SCRIB: variants seen among roughly 807,000 people sequenced by gnomAD.
SCRIB encodes the protein scribble planar cell polarity protein.
In SCRIB, 72 loss-of-function variants were observed where a neutral mutation model predicts 170.0. The ratio of observed to expected loss-of-function variants is 0.42; its 90% confidence interval spans 0.35 to 0.52. The LOEUF (loss-of-function observed/expected upper bound fraction) is 0.52, where lower values mean the gene tolerates loss of function less well. Ranked by LOEUF, SCRIB falls within the 20% of genes least tolerant of loss-of-function variation. The pLI, the probability that SCRIB is intolerant of heterozygous loss-of-function variation, is 0.02. For synonymous variants in SCRIB, 1,298 were observed against 1,044.3 expected, an observed-to-expected ratio of 1.24 and a Z score of -4.68; for missense variants, 2,475 against 2,338.5, an observed-to-expected ratio of 1.06 and a Z score of -1.20.
Position 143,808,786 on chromosome 8 carries a change from G to A in SCRIB, c.1938C>T (p.His646=), listed in dbSNP as rs1815560167. The change falls in exon 15 of 37, where the codon CAC becomes CAT. Residue 646 remains histidine (H), a synonymous_variant. Transcript: ENST00000356994. ...GEGPVAPGGW[H]NGPHAPWAPR... is the part of the protein sequence containing the mutation. ...GAGCCCAGGGTGCGTGGGGGCCATT[G>A]TGCCAGCCCCCGGGAGCCACAGGGC... is the stretch of plus-strand genomic sequence containing the variant. 5 of 1,611,276 alleles carry A rather than the reference G, an allele frequency of 3.1e-6. No individual in the cohort carries two copies. Among genetic ancestry groups the A allele is most frequent in the South Asian group, 1.1e-5 (1 of 90,852 alleles).
chr8:143,806,495 G>A lies in SCRIB; in HGVS notation c.2269-11C>T, dbSNP rs1815431974. 1.3e-6 allele frequency: 2 copies of A among 1,583,470 alleles called. No homozygotes were observed. The highest frequency in any genetic ancestry group is 4.6e-5 in the East Asian group (2 of 43,188). The stretch of plus-strand genomic sequence containing the variant: ...AGAGATGAATATGCCCTAGGGCACA[G>A]ACACGAGCTTGGCAGGGGCCAGGGA... On this transcript the variant is annotated splice_polypyrimidine_tract_variant and intron_variant, in intron 17 of 36. Coordinates refer to ENST00000356994, the MANE Select transcript of SCRIB (RefSeq NM_182706.5).
chr8:143,809,064 G>A lies in SCRIB; in HGVS notation c.1699-39C>T, dbSNP rs372629408. 35 of 1,572,836 alleles carry A rather than the reference G, an allele frequency of 2.2e-5. No homozygotes were observed. The African/African-American group carries it at 2.7e-4, about 12-fold the overall frequency. On this transcript the variant is annotated intron_variant, in intron 14 of 36. Coordinates refer to ENST00000356994, the MANE Select transcript of SCRIB (RefSeq NM_182706.5). ...AGGGTGAGGGTGGCCCCAGCTCTGT[G>A]GCTGTGCTTCCACAGGAAGACCCTA...
rs1815851775 is a variant in SCRIB at position 143,813,457 on chromosome 8, C to T, written c.503+13G>A. 1.2e-6 allele frequency: 2 copies of T among 1,613,290 alleles called. No individual in the cohort carries two copies. Among genetic ancestry groups the T allele is most frequent in the Non-Finnish European group, 8.5e-7 (1 of 1,180,002 alleles). ...CCTGCCCTGGCTGTTAGGAGAATGC[C>T]TGTCACACTCACGCTGGCAGGGACT... On this transcript the variant is annotated intron_variant, in intron 5 of 36. Transcript: ENST00000356994.
At chr8:143,811,632 C>T (rs140026082) in intron 9 of SCRIB, among the ~76,000 whole-genome samples, 171 of 152,222 alleles carry the variant, frequency 1.1e-3, no homozygotes, top group African/African-American at 3.7e-3. Flanking sequence ...GACTGACCTG[C>T]GAGGCTGCGC....
chr8:143,803,090 G>A (rs1252755361), intron 24 of SCRIB, among the ~76,000 whole-genome samples: 3 of 152,176 alleles, frequency 2.0e-5, no homozygotes, highest in Admixed American at 6.5e-5. Context: ...CTTCTTTTAG[G>A]ACCAGACCAC....
intron 9 of SCRIB, 29 bp downstream of exon 9, chr8:143,812,237 T>C (rs1344030277): frequency 7.0e-7 from 1 of 1,438,250 alleles, no homozygotes; most frequent in South Asian, 1.1e-5. Context: ...GACGGCCCCA[T>C]CCTTTCTGCC....
chr8:143,804,837 T>G lies in SCRIB; in HGVS notation c.2752-12A>C, dbSNP rs1002927970. 7.3e-7 allele frequency: 1 copy of G among 1,376,632 alleles called. No homozygotes were observed. Among genetic ancestry groups the G allele is most frequent in the African/African-American group, 1.5e-5 (1 of 65,920 alleles). The allele number at this position is 1,376,632 out of a possible 1,614,324, so 85.3% of individuals were successfully genotyped here. ...TCCACTCCATTAATCTGTGAGAGCGTGCCCGAATCAGGGAGGCCCAAGGGC... is the reference window on the plus strand; with the variant it reads ...TCCACTCCATTAATCTGTGAGAGCGGGCCCGAATCAGGGAGGCCCAAGGGC... On this transcript the variant is annotated splice_polypyrimidine_tract_variant and intron_variant, in intron 20 of 36. Coordinates refer to ENST00000356994, the MANE Select transcript of SCRIB (RefSeq NM_182706.5).
chr8:143,795,515 T>A lies in SCRIB; in HGVS notation c.3619A>T (p.Ile1207Phe), dbSNP rs1814906180. ...ATGCCTGCCGCAAAGGGGTTGGCAA[T>A]GACACCTGGGGACACCTGAGAAGAG... ...DAALEVSPGV[I>F]ANPFAAGIGH... Residue 1207 changes from isoleucine (I) to phenylalanine (F), a missense_variant, in exon 25 of 37, where the codon ATT (isoleucine) becomes TTT (phenylalanine). Ile to Phe is a conservative substitution (Grantham distance 21, BLOSUM62 0). Transcript: ENST00000356994. 2 of 1,612,386 alleles carry A rather than the reference T, an allele frequency of 1.2e-6. No homozygotes were observed. Among genetic ancestry groups the A allele is most frequent in the Non-Finnish European group, 1.7e-6 (2 of 1,179,414 alleles).
In SCRIB at chr8:143,808,842, G is replaced by A. The variant is rs760317208; in HGVS notation, c.1882C>T (p.Leu628=). ...KLPQPEAVVA[L]LQGMQPDGEG... Reference sequence around the variant, plus strand: ...CCATCAGGCTGCATGCCCTGCAGCAGAGCCACAACGGCCTCGGGCTGGGGC... The same window carrying A: ...CCATCAGGCTGCATGCCCTGCAGCAAAGCCACAACGGCCTCGGGCTGGGGC... Residue 628 remains leucine, a synonymous_variant, in exon 15 of 37, where the codon CTG becomes TTG. Coordinates refer to ENST00000356994, the MANE Select transcript of SCRIB (RefSeq NM_182706.5). 6.2e-7 allele frequency: 1 copy of A among 1,611,226 alleles called. No individual in the cohort carries two copies. The highest frequency in any genetic ancestry group is 1.3e-5 in the African/African-American group (1 of 74,956).
In SCRIB at chr8:143,793,941, C is replaced by G; in HGVS notation, c.3868G>C (p.Gly1290Arg). Residue 1290 changes from glycine (G) to arginine (R), a missense_variant, in exon 28 of 37, where the codon GGG (glycine) becomes CGG (arginine). Around this residue, in one of 3 missense-constraint regions of SCRIB, gnomAD observed 1,966 missense variants for 1,742.9 expected, o/e 1.13. Coordinates refer to ENST00000356994, the MANE Select transcript of SCRIB (RefSeq NM_182706.5). ...GAGCAGGGAGATTCAGCCATCTTCCCTCCAGCTGCTCCAGACGGTACCTGG... is the reference window on the plus strand; with the variant it reads ...GAGCAGGGAGATTCAGCCATCTTCCGTCCAGCTGCTCCAGACGGTACCTGG... ...VQRVPSGAAGGKMAESPCSPS... is the reference protein window; with the variant it reads ...VQRVPSGAAGRKMAESPCSPS... 6.2e-7 allele frequency: 1 copy of G among 1,613,486 alleles called. No homozygotes were observed. The highest frequency in any genetic ancestry group is 8.5e-7 in the Non-Finnish European group (1 of 1,179,706).
Position 143,814,831 on chromosome 8 carries a change from C to T in SCRIB, c.159+383G>A, listed in dbSNP as rs115964542. ...TACATCAAGAGGGCTCCCCCACTCACCCCTGCACCCAGCAAAAAAGGAGAG... is the reference window on the plus strand; with the variant it reads ...TACATCAAGAGGGCTCCCCCACTCATCCCTGCACCCAGCAAAAAAGGAGAG... On this transcript the variant is annotated intron_variant, in intron 1 of 36. Transcript: ENST00000356994. 1.6e-3 allele frequency: 378 copies of T among 237,428 alleles called. 1 individual carries two copies. The highest frequency in any genetic ancestry group is 8.0e-3 in the African/African-American group (354 of 44,272). The allele number at this position is 237,428 out of a possible 1,614,324, so 14.7% of individuals were successfully genotyped here.
In SCRIB at chr8:143,805,149, C is replaced by A; in HGVS notation, c.2633G>T (p.Gly878Val). Residue 878 changes from glycine (G) to valine (V), a missense_variant, in exon 19 of 37, where the codon GGT becomes GTT. Physicochemically the swap from Gly to Val is moderately radical, Grantham distance 109. Transcript: ENST00000356994. Reference protein sequence around the residue: ...SERGLGFSIAGGKGSTPYRAG... With the variant: ...SERGLGFSIAVGKGSTPYRAG... ...CCTGTAGGGTGTGGAGCCTTTCCCA[C>A]CAGCAATGCTGAAGCCCAGCCCCCT... The A allele has an allele frequency of 6.3e-7, 1 of 1,579,670 alleles. No homozygotes were observed. Among genetic ancestry groups the A allele is most frequent in the East Asian group, 2.3e-5 (1 of 44,398 alleles).
chr8:143,792,862 G>A lies in SCRIB; in HGVS notation c.4023C>T (p.Pro1341=), dbSNP rs781996880. The A allele has an allele frequency of 1.9e-5, 29 of 1,510,130 alleles. No individual in the cohort carries two copies. Among genetic ancestry groups the A allele is most frequent in the African/African-American group, 2.8e-5 (2 of 71,794 alleles). The allele number at this position is 1,510,130 out of a possible 1,614,324, so 93.5% of individuals were successfully genotyped here. The change falls in exon 30 of 37, where the codon CCC becomes CCT. Residue 1341 remains proline, a synonymous_variant. Transcript: ENST00000356994. The part of the protein sequence containing the change: ...HPPEDAPAQP[P]TPGPAASPEQ... ...CCGGGGAGGCTGCAGGCCCAGGCGTGGGGGGCTGGGGGGAGCGGACCTTGA... is the reference window on the plus strand; with the variant it reads ...CCGGGGAGGCTGCAGGCCCAGGCGTAGGGGGCTGGGGGGAGCGGACCTTGA...
chr8:143,792,993 C>T lies in SCRIB; in HGVS notation c.4000G>A (p.Glu1334Lys). 1.3e-6 allele frequency: 2 copies of T among 1,512,564 alleles called. No homozygotes were observed. Among genetic ancestry groups the T allele is most frequent in the Non-Finnish European group, 1.8e-6 (2 of 1,128,790 alleles). The allele number at this position is 1,512,564 out of a possible 1,614,324, so 93.7% of individuals were successfully genotyped here. A position where few individuals can be genotyped will look rare whatever the true frequency, so the allele number is the denominator to read the frequency against. The part of the protein sequence containing the change: ...FAAVPTSHPP[E>K]DAPAQPPTPG... ...CCACACACCTGGGCAGGGGCATCCT[C>T]AGGCGGGTGAGAAGTGGGCACGGCC... The change falls in exon 29 of 37, where the codon GAG becomes AAG. Residue 1334 changes from glutamate to lysine, a missense_variant. Around this residue, in one of 3 missense-constraint regions of SCRIB, gnomAD observed 1,966 missense variants for 1,742.9 expected, o/e 1.13. Transcript: ENST00000356994.
rs1587529702 is a variant in SCRIB, at chr8:143,805,103, C to T, written c.2670+9G>A. 6.3e-7 allele frequency: 1 copy of T among 1,598,874 alleles called. No individual in the cohort carries two copies. On this transcript the variant is annotated intron_variant, in intron 19 of 36. Transcript: ENST00000356994. ...AGCAGCCCTCCCCGGCCCTGGGCCC[C>T]AGCCTCACCGCATCACCAGCCCTGT...
At position 143,799,583 on chromosome 8, in the gene SCRIB, C is replaced by T. The variant is rs1243811191; in HGVS notation, c.3603+3800G>A. ...CACCCACCTAGGTTTGCGCAGGGGT[C>T]GGCGCCGACCATGGCGAGGCAGGTC... On this transcript the variant is annotated intron_variant, in intron 24 of 36. Transcript: ENST00000356994. Among the ~76,000 whole-genome samples the T allele has an allele frequency of 3.9e-5, 6 of 152,134 alleles. No homozygotes were observed. The East Asian group carries it at 5.8e-4, about 15-fold the overall frequency.
rs202230649 is a variant in SCRIB at position 143,812,225 on chromosome 8, C to G, written c.906+41G>C. On this transcript the variant is annotated intron_variant, in intron 9 of 36. Transcript: ENST00000356994. Reference sequence around the variant, plus strand: ...GATGCCCTGTCCTTGTTCTGCACCCCCGACGGCCCCATCCTTTCTGCCTCC... The same window carrying G: ...GATGCCCTGTCCTTGTTCTGCACCCGCGACGGCCCCATCCTTTCTGCCTCC... 30 of 1,320,568 alleles carry G rather than the reference C, an allele frequency of 2.3e-5. 2 individuals are homozygous for G. The East Asian group carries it at 3.7e-4, about 16-fold the overall frequency. The allele number at this position is 1,320,568 out of a possible 1,614,324, so 81.8% of individuals were successfully genotyped here.
At position 143,804,659 on chromosome 8, in the gene SCRIB, C is replaced by T. The variant is rs781875007; in HGVS notation, c.2918G>A (p.Ser973Asn). The change falls in exon 21 of 37, where the codon AGC becomes AAC. Residue 973 changes from serine (S) to asparagine (N), a missense_variant. This residue lies in a region of SCRIB where 1,966 missense variants were observed against 1,742.9 expected (regional missense o/e 1.13). Transcript: ENST00000356994. ...SPPTAAVATT[S>N]ITTATPGVPG... ...CACCCCGGGGGTGGCAGTGGTTATG[C>T]TGGTGGTGGCAACAGCAGCGGTGGG... 6.5e-7 allele frequency: 1 copy of T among 1,547,734 alleles called. No homozygotes were observed. The highest frequency in any genetic ancestry group is 1.9e-5 in the Admixed American group (1 of 53,292).
At chr8:143,802,338 G>T (rs1181453648) in intron 24 of SCRIB, among the ~76,000 whole-genome samples, 3 of 152,252 alleles carry the variant, frequency 2.0e-5, no homozygotes, top group Non-Finnish European at 2.9e-5. Context: ...CTGTCAGCCT[G>T]GCAGAAAGCC....
Sources: allele counts gnomAD v4.1 joint callset (sites outside exome capture counted in the v4.1 genomes callset), GRCh38; gene constraint gnomAD v4.1.1; regional missense constraint gnomAD v4.1.1; transcripts MANE v1.5; gene names NCBI Gene and HGNC (gene_info 2026-07-23, HGNC 2026-07-21).